The following GPC6 variants were observed in gnomAD, a reference collection of about 807,000 sequenced individuals.
The protein encoded by GPC6 is glypican-6.
A neutral mutation model predicts 55.2 loss-of-function variants in GPC6; 14 were observed. The ratio of observed to expected loss-of-function variants is 0.25; its 90% CI spans 0.17 to 0.40. The LOEUF (loss-of-function observed/expected upper bound fraction) is 0.40. GPC6 is among the 10% of genes least tolerant of loss of function. The probability of loss-of-function intolerance (pLI) is 1.00; values close to 1 mark genes in which losing one functional copy is unlikely to be tolerated. For missense variants in GPC6, 641 were observed against 708.5 expected, an observed-to-expected ratio of 0.90 and a Z score of 1.08; for synonymous variants, 278 against 259.6, an observed-to-expected ratio of 1.07 and a Z score of -0.68.
chr13:93,491,080 C>T, intron 1 of GPC6, among the ~76,000 whole-genome samples: 1 of 42,014 alleles, frequency 2.4e-5, no homozygotes, highest in African/African-American at 9.3e-5. Flanking sequence ...TTCTAGATCC[C>T]TGAGGAATCG....
chr13:93,632,859 A>ATTTTAT (rs1447924109), intron 2 of GPC6, among the ~76,000 whole-genome samples: 1 of 152,038 alleles, frequency 6.6e-6, no homozygotes, highest in Non-Finnish European at 1.5e-5. Context: ...GCCAAACCTC[A>ATTTTAT]AAGGGCTATT....
intron 4 of GPC6, among the ~76,000 whole-genome samples, chr13:94,161,476 T>C (rs952100812): frequency 2.6e-5 from 4 of 152,250 alleles, no homozygotes; most frequent in African/African-American, 9.6e-5. Flanking sequence ...TTTACATGTC[T>C]TATTAGCATG....
intron 1 of GPC6, among the ~76,000 whole-genome samples, chr13:93,507,751 G>A (rs191269065): frequency 2.6e-5 from 4 of 152,202 alleles, no homozygotes; most frequent in Admixed American, 6.5e-5. Context: ...TTTCGAGGTA[G>A]GTGGAAAGTT....
intron 1 of GPC6, among the ~76,000 whole-genome samples, chr13:93,418,942 T>C (rs1043463738): frequency 7.3e-5 from 11 of 151,050 alleles, no homozygotes; most frequent in Admixed American, 5.3e-4. Flanking sequence ...ACCATAGTAT[T>C]ATTTTATTAA....
At chr13:93,280,257 C>G (rs1239901027) in intron 1 of GPC6, among the ~76,000 whole-genome samples, 1 of 152,122 alleles carries the variant, frequency 6.6e-6, no homozygotes, top group Non-Finnish European at 1.5e-5. Flanking sequence ...AGTGATAGAT[C>G]TACATTAATT....
At chr13:93,454,650 T>C (rs1878367679) in intron 1 of GPC6, among the ~76,000 whole-genome samples, 2 of 151,848 alleles carry the variant, frequency 1.3e-5, no homozygotes, top group African/African-American at 4.8e-5. Context: ...TGCTCATTGG[T>C]GTATTTACAA....
intron 3 of GPC6, among the ~76,000 whole-genome samples, chr13:93,862,306 T>C (rs966224523): frequency 1.3e-5 from 2 of 151,600 alleles, no homozygotes; most frequent in Non-Finnish European, 1.5e-5. Context: ...AAAGTTTAGC[T>C]GACTTCTGGG....
intron 4 of GPC6, among the ~76,000 whole-genome samples, chr13:94,159,738 A>G (rs938699922): frequency 2.6e-5 from 4 of 152,212 alleles, no homozygotes; most frequent in East Asian, 1.9e-4. Flanking sequence ...ATATACTTAC[A>G]TGTCTAAGAT....
At chr13:93,882,293 C>T (rs1247969922) in intron 3 of GPC6, among the ~76,000 whole-genome samples, 5 of 151,832 alleles carry the variant, frequency 3.3e-5, no homozygotes, top group African/African-American at 9.7e-5. Flanking sequence ...ACTACAGGCA[C>T]GTGCCACTAC....
intron 4 of GPC6, among the ~76,000 whole-genome samples, chr13:94,163,391 A>G (rs2138916815): frequency 6.6e-6 from 1 of 152,092 alleles, no homozygotes; most frequent in South Asian, 2.1e-4. Flanking sequence ...CTCAGACATT[A>G]TATCATTTTT....
intron 1 of GPC6, among the ~76,000 whole-genome samples, chr13:93,365,920 A>C (rs1881230847): frequency 6.6e-6 from 1 of 152,154 alleles, no homozygotes; most frequent in Admixed American, 6.6e-5. Flanking sequence ...TGTTGAATAA[A>C]ATATTAGCAG....
At chr13:93,479,153 T>G (rs903383384) in intron 1 of GPC6, among the ~76,000 whole-genome samples, 1 of 152,180 alleles carries the variant, frequency 6.6e-6, no homozygotes, top group African/African-American at 2.4e-5. Context: ...TGGAATAGAA[T>G]TATGTCTTGG....
intron 1 of GPC6, among the ~76,000 whole-genome samples, chr13:93,441,144 A>G (rs1828830618): frequency 6.6e-6 from 1 of 152,164 alleles, no homozygotes; most frequent in Non-Finnish European, 1.5e-5. Context: ...GAATAGTGCC[A>G]CAACAAACAT....
intron 2 of GPC6, among the ~76,000 whole-genome samples, chr13:93,636,999 A>G (rs946986626): frequency 5.3e-5 from 8 of 150,782 alleles, no homozygotes; most frequent in Non-Finnish European, 1.0e-4. Flanking sequence ...CTTTTAGGTT[A>G]TAGCTTAAAG....
intron 1 of GPC6, among the ~76,000 whole-genome samples, chr13:93,284,375 A>G (rs1384307050): frequency 2.6e-5 from 4 of 152,230 alleles, no homozygotes; most frequent in East Asian, 1.9e-4. Flanking sequence ...GATTTATACC[A>G]GTAGTTAGTT....
intron 1 of GPC6, among the ~76,000 whole-genome samples, chr13:93,485,492 G>C (rs1879672165): frequency 6.6e-6 from 1 of 152,180 alleles, no homozygotes; most frequent in African/African-American, 2.4e-5. Flanking sequence ...GCTGGACATA[G>C]TCTTGTTTAT....
chr13:93,765,771 A>T (rs534200603), intron 2 of GPC6, among the ~76,000 whole-genome samples: 1 of 152,358 alleles, frequency 6.6e-6, no homozygotes, highest in African/African-American at 2.4e-5. Context: ...AAGTAAAATC[A>T]TTGCTATTAT....
intron 4 of GPC6, among the ~76,000 whole-genome samples, chr13:94,141,112 G>T (rs1321147470): frequency 3.3e-5 from 5 of 152,136 alleles, no homozygotes; most frequent in African/African-American, 1.2e-4. Context: ...TGTCACCAAT[G>T]TGGGTGAGTT....
chr13:94,069,423 A>C (rs996151354), intron 4 of GPC6, among the ~76,000 whole-genome samples: 2 of 152,050 alleles, frequency 1.3e-5, no homozygotes, highest in Admixed American at 1.3e-4. Flanking sequence ...CATACCCTAG[A>C]GATATTTTCC....
Sources: allele counts gnomAD v4.1 joint callset (sites outside exome capture counted in the v4.1 genomes callset), GRCh38; gene constraint gnomAD v4.1.1; transcripts MANE v1.5; gene names NCBI Gene and HGNC (gene_info 2026-07-23, HGNC 2026-07-21).